The following MEIG1 variants were observed in gnomAD, a reference collection of about 807,000 sequenced individuals.
The protein encoded by MEIG1 is meiosis/spermiogenesis associated 1, also known as meiosis expressed gene 1 protein homolog.
In MEIG1, 12 loss-of-function variants were observed where a neutral mutation model predicts 11.3. The ratio of observed to expected loss-of-function variants is 1.07; its 90% CI spans 0.68 to 1.73. The LOEUF is 1.73. Ranked by LOEUF, MEIG1 falls within the 40% of genes most tolerant of loss-of-function variation. The pLI, the probability that MEIG1 is intolerant of heterozygous loss-of-function variation, is 0.00. For synonymous variants in MEIG1, 41 were observed against 33.2 expected, an observed-to-expected ratio of 1.24 and a Z score of -0.81; for missense variants, 119 against 104.9, an observed-to-expected ratio of 1.13 and a Z score of -0.59.
At chr10:14,954,558 T>C (rs190578026), upstream of MEIG1, 107 of 208,270 alleles carry the variant, frequency 5.1e-4, 2 homozygotes, top group Admixed American at 5.3e-3. Context: ...ATCTGACTCA[T>C]GGTAGATTCA....
intron 2 of MEIG1, among the ~76,000 whole-genome samples, chr10:14,967,775 T>C (rs1194163040): frequency 2.6e-5 from 4 of 152,186 alleles, no homozygotes; most frequent in East Asian, 3.8e-4. Flanking sequence ...AGGTGAATAA[T>C]TGATCAACCC....
intron 1 of MEIG1, among the ~76,000 whole-genome samples, chr10:14,983,407 T>C (rs1843284755): frequency 6.6e-6 from 1 of 152,040 alleles, no homozygotes; most frequent in South Asian, 2.1e-4. Flanking sequence ...CCTCTGATAT[T>C]CTTCCTAGCA....
Position 14,963,015 on chromosome 10 carries a change from G to T in MEIG1, c.-29-3425G>T, listed in dbSNP as rs145569755. On this transcript the variant is annotated intron_variant, in intron 1 of 2. Coordinates refer to ENST00000407572, the MANE Select transcript of MEIG1 (RefSeq NM_001080836.3). ...CTGACCTCGTGATCCACCCACTTCAGTCTCCCAGAGTGCTGGGATTACAGG... is the reference window on the plus strand; with the variant it reads ...CTGACCTCGTGATCCACCCACTTCATTCTCCCAGAGTGCTGGGATTACAGG... Among the ~76,000 whole-genome samples the T allele has an allele frequency of 2.7e-3, 411 of 151,992 alleles. 1 individual carries two copies. Among genetic ancestry groups the T allele is most frequent in the African/African-American group, 9.4e-3 (391 of 41,452 alleles).
intron 1 of MEIG1, among the ~76,000 whole-genome samples, chr10:14,981,123 G>A (rs1424298063): frequency 1.3e-5 from 2 of 151,988 alleles, no homozygotes; most frequent in African/African-American, 4.8e-5. Context: ...TCTGGTGACC[G>A]GGTCCTGTTT....
At chr10:14,987,631 A>G (rs1273388202) in intron 2 of MEIG1, 3 of 499,564 alleles carry the variant, frequency 6.0e-6, no homozygotes, top group South Asian at 2.1e-5. Context: ...CTTTTTAGCT[A>G]TACGAGGCTT....
chr10:14,980,460 G>T (rs931915018), intron 1 of MEIG1, among the ~76,000 whole-genome samples: 1 of 152,088 alleles, frequency 6.6e-6, no homozygotes, highest in Non-Finnish European at 1.5e-5. Flanking sequence ...TTATGGAAAT[G>T]TTACCCCTAA....
intron 1 of MEIG1, among the ~76,000 whole-genome samples, chr10:14,981,436 T>G (rs1278378048): frequency 6.6e-6 from 1 of 152,170 alleles, no homozygotes; most frequent in Non-Finnish European, 1.5e-5. Flanking sequence ...AATGACTTGA[T>G]GTCCTCCTAC....
chr10:14,954,284 A>G, the MEIG1 span: 2,263 of 556,740 alleles, frequency 4.1e-3, 13 homozygotes, highest in Admixed American at 0.014. Context: ...TTCCCGCCCA[A>G]CAAACACAGG....
chr10:14,966,309 G>T (rs1020793245), intron 1 of MEIG1, 131 bp from the exon 2 acceptor site: 34 of 445,380 alleles, frequency 7.6e-5, no homozygotes, highest in African/African-American at 5.5e-4. Context: ...TGATCCACCT[G>T]CCTCAGCCTC....
exon 2 of MEIG1, chr10:14,986,954 C>T (rs920582119): frequency 1.3e-5 from 9 of 676,990 alleles, no homozygotes; most frequent in Non-Finnish European, 1.9e-5. Flanking sequence ...ACAATCCAAC[C>T]GTGCAGCTGG....
At chr10:14,963,192 G>A (rs1465099984) in intron 1 of MEIG1, among the ~76,000 whole-genome samples, 14 of 151,604 alleles carry the variant, frequency 9.2e-5, no homozygotes. Flanking sequence ...TGCCCCCCAG[G>A]TTCAAGCAAT....
intron 1 of MEIG1, among the ~76,000 whole-genome samples, chr10:14,964,606 TATACAC>T (rs1416525086): frequency 1.9e-5 from 2 of 104,808 alleles, no homozygotes; most frequent in Non-Finnish European, 1.8e-5. Context: ...TATATATATA[TATACAC>T]ACACACACAC....
chr10:14,965,260 A>G (rs1311274232), intron 1 of MEIG1, among the ~76,000 whole-genome samples: 1 of 152,238 alleles, frequency 6.6e-6, no homozygotes, highest in Admixed American at 6.5e-5. Flanking sequence ...CATAGTGAAA[A>G]TTCTGTACAC....
rs745850894 is a variant in MEIG1 at position 14,966,459 on chromosome 10, C to T, written c.-10C>T. ...TTTCAGATATTATTGATAATAAGGC[C>T]TCTGTAACCATGGCTAGTTCTGACG... On this transcript the variant is annotated 5_prime_UTR_variant, in exon 2 of 3. Coordinates refer to ENST00000407572, the MANE Select transcript of MEIG1 (RefSeq NM_001080836.3). The T allele has an allele frequency of 3.8e-6, 6 of 1,593,446 alleles. No individual in the cohort carries two copies. The highest frequency in any genetic ancestry group is 2.3e-5 in the South Asian group (2 of 86,818).
chr10:14,973,704 A>G (rs1012340662), downstream of MEIG1, among the ~76,000 whole-genome samples: 9 of 140,270 alleles, frequency 6.4e-5, no homozygotes, highest in Non-Finnish European at 1.2e-4. Flanking sequence ...CAGGAGGCAG[A>G]GCTTGCAGTG....
chr10:14,977,605 G>A (rs147835133), downstream of MEIG1, among the ~76,000 whole-genome samples: 4,748 of 151,220 alleles, frequency 0.031, 196 homozygotes, highest in African/African-American at 0.11. Context: ...ACACCCACTG[G>A]GATATTATTT....
upstream of MEIG1, chr10:14,954,431 C>T (rs1376333040): frequency 3.3e-6 from 1 of 305,008 alleles, no homozygotes; most frequent in East Asian, 8.0e-5. Context: ...TTCTTCGTTC[C>T]GCTTCCTGCT....
upstream of MEIG1, among the ~76,000 whole-genome samples, chr10:14,958,952 C>T (rs1458099160): frequency 6.6e-6 from 1 of 152,034 alleles, no homozygotes; most frequent in Non-Finnish European, 1.5e-5. Flanking sequence ...GATCACTTTT[C>T]GCTTAGATAG....
chr10:14,968,171 C>A (rs528269584), intron 2 of MEIG1, among the ~76,000 whole-genome samples: 36 of 152,044 alleles, frequency 2.4e-4, no homozygotes, highest in Non-Finnish European at 5.1e-4. Flanking sequence ...TATTCTTTGA[C>A]CTCTACTTAA....
Sources: gnomAD v4.1 joint callset for allele counts (sites outside exome capture counted in the v4.1 genomes callset) on GRCh38, gnomAD v4.1.1 for gene constraint, MANE v1.5 for transcripts, NCBI Gene and HGNC (gene_info 2026-07-23, HGNC 2026-07-21) for gene names.